Variants in ZFAND3 observed in about 807,000 individuals in gnomAD.
The protein encoded by ZFAND3 is AN1-type zinc finger protein 3.
In ZFAND3, 10 loss-of-function variants were observed where a neutral mutation model predicts 29.6. The observed-to-expected ratio is 0.34, with a 90% CI of 0.21 to 0.57. ZFAND3 has a LOEUF of 0.57. Among genes scored for constraint, ZFAND3 ranks in the 20% least tolerant of loss-of-function variants. ZFAND3 has a pLI of 0.86. For synonymous variants in ZFAND3, 128 were observed against 112.6 expected, an observed-to-expected ratio of 1.14 and a Z score of -0.87; for missense variants, 230 against 304.5, an observed-to-expected ratio of 0.76 and a Z score of 1.82.
At chr6:38,097,749 C>G (rs544680545) in intron 4 of ZFAND3, among the ~76,000 whole-genome samples, 1 of 152,216 alleles carries the variant, frequency 6.6e-6, no homozygotes, top group African/African-American at 2.4e-5. Flanking sequence ...TGGTACCTGA[C>G]AATCTTGAAT....
chr6:37,898,988 C>T (rs1410402578), intron 1 of ZFAND3, among the ~76,000 whole-genome samples: 7 of 152,134 alleles, frequency 4.6e-5, no homozygotes, highest in African/African-American at 1.2e-4. Flanking sequence ...CTCTGCCTCC[C>T]GGGTTCACGC....
At chr6:38,123,280 T>C (rs1765568807) in intron 5 of ZFAND3, among the ~76,000 whole-genome samples, 1 of 152,196 alleles carries the variant, frequency 6.6e-6, no homozygotes, top group Admixed American at 6.5e-5. Context: ...GGCAAGGAGC[T>C]GCAGTGATTA....
rs1241697444 is a variant in ZFAND3, at chr6:38,151,210, C to T, written c.530-1025C>T. Among the ~76,000 whole-genome samples the T allele has an allele frequency of 2.6e-5, 4 of 152,202 alleles. 1 individual carries two copies. The East Asian group carries it at 7.7e-4, about 29-fold the overall frequency. ...CCTGGCTCCCTGCAGCCCTCCCCTC[C>T]TTGTTCCTGACCCAGAGTGACTTTA... On this transcript the variant is annotated intron_variant, in intron 5 of 5. Transcript: ENST00000287218.
chr6:38,094,014 A>G lies in ZFAND3; in HGVS notation c.361+11557A>G, dbSNP rs369375069. 3.3e-5 allele frequency among the ~76,000 whole-genome samples: 5 copies of G among 152,308 alleles called. No individual in the cohort carries two copies. The East Asian group carries it at 7.7e-4, about 23-fold the overall frequency. ...GCAGAGGCAGAAACCCAGAAGGGTT[A>G]TTTCTATCTAAGAGTGTAAGGAAGG... On this transcript the variant is annotated intron_variant, in intron 4 of 5. Coordinates refer to ENST00000287218, the MANE Select transcript of ZFAND3 (RefSeq NM_021943.3).
At chr6:38,042,375 C>T (rs1348125938) in intron 2 of ZFAND3, among the ~76,000 whole-genome samples, 2 of 144,504 alleles carry the variant, frequency 1.4e-5, no homozygotes, top group African/African-American at 2.6e-5. Flanking sequence ...AGTGCAGTGG[C>T]GCCATCTCGG....
intron 2 of ZFAND3, among the ~76,000 whole-genome samples, chr6:37,997,216 G>A (rs983703013): frequency 2.6e-5 from 4 of 152,204 alleles, no homozygotes; most frequent in Admixed American, 1.3e-4. Flanking sequence ...ATTGGGGAAA[G>A]TAAGAATTGG....
At chr6:37,836,152 G>A (rs1366651111) in intron 1 of ZFAND3, among the ~76,000 whole-genome samples, 1 of 152,132 alleles carries the variant, frequency 6.6e-6, no homozygotes, top group African/African-American at 2.4e-5. Flanking sequence ...GATTCTCTGT[G>A]GGATAGAAAT....
At chr6:37,943,330 A>G (rs765037513) in intron 2 of ZFAND3, among the ~76,000 whole-genome samples, 2 of 152,136 alleles carry the variant, frequency 1.3e-5, no homozygotes, top group African/African-American at 2.4e-5. Context: ...TAAAGATATT[A>G]AAGTTTAAAT....
At chr6:37,887,313 A>ATAC (rs1765013014) in intron 1 of ZFAND3, among the ~76,000 whole-genome samples, 1 of 152,218 alleles carries the variant, frequency 6.6e-6, no homozygotes, top group Non-Finnish European at 1.5e-5. Context: ...GGCATATGTA[A>ATAC]GAATTTGTAT....
chr6:38,043,484 C>A (rs1763834384), intron 2 of ZFAND3, among the ~76,000 whole-genome samples: 1 of 147,324 alleles, frequency 6.8e-6, no homozygotes, highest in Non-Finnish European at 1.5e-5. Context: ...TTTCTTTTAG[C>A]TTTTCTCTTT....
At chr6:37,899,829 C>T (rs551107550) in intron 1 of ZFAND3, among the ~76,000 whole-genome samples, 4 of 152,174 alleles carry the variant, frequency 2.6e-5, no homozygotes, top group African/African-American at 7.2e-5. Context: ...TCCATTACCC[C>T]GAGGGCAACC....
chr6:37,837,225 T>C (rs1253367701), intron 1 of ZFAND3, among the ~76,000 whole-genome samples: 1 of 152,152 alleles, frequency 6.6e-6, no homozygotes, highest in Non-Finnish European at 1.5e-5. Context: ...CTGATACTGG[T>C]TTATGCTATT....
chr6:38,091,355 C>T (rs1764864067), intron 4 of ZFAND3, among the ~76,000 whole-genome samples: 2 of 151,754 alleles, frequency 1.3e-5, no homozygotes, highest in African/African-American at 2.4e-5. Context: ...GGAGAAAGAG[C>T]CCTGAACTTT....
intron 1 of ZFAND3, among the ~76,000 whole-genome samples, chr6:37,823,366 C>T (rs899790743): frequency 6.6e-6 from 1 of 152,168 alleles, no homozygotes; most frequent in Non-Finnish European, 1.5e-5. Context: ...AGCCAGGGCG[C>T]ACACCCAGCC....
intron 2 of ZFAND3, among the ~76,000 whole-genome samples, chr6:38,026,810 A>AGT (rs1209040071): frequency 3.9e-4 from 59 of 151,278 alleles, no homozygotes; most frequent in Middle Eastern, 3.4e-3. Context: ...AGAGAGAGAG[A>AGT]GTGTAATTTA....
chr6:37,836,776 GTTTTTAGGGTAAT>G (rs905493249), intron 1 of ZFAND3, among the ~76,000 whole-genome samples: 2 of 151,952 alleles, frequency 1.3e-5, no homozygotes, highest in African/African-American at 4.8e-5. Context: ...TAATATATAT[GTTTTTAGGGTAAT>G]TTTTTAAAAA....
At chr6:38,090,174 G>A (rs1764836425) in intron 4 of ZFAND3, among the ~76,000 whole-genome samples, 1 of 152,178 alleles carries the variant, frequency 6.6e-6, no homozygotes, top group Non-Finnish European at 1.5e-5. Flanking sequence ...TCGGGTGTGA[G>A]TTCAACTGTA....
intron 5 of ZFAND3, among the ~76,000 whole-genome samples, chr6:38,144,204 T>TATA (rs1766040015): frequency 2.1e-5 from 1 of 47,052 alleles, no homozygotes; most frequent in South Asian, 4.5e-4. Flanking sequence ...TATATATATA[T>TATA]ATATATAATA....
At chr6:38,066,746 C>T (rs1055885483) in intron 3 of ZFAND3, among the ~76,000 whole-genome samples, 6 of 152,148 alleles carry the variant, frequency 3.9e-5, no homozygotes, top group Admixed American at 3.3e-4. Flanking sequence ...GGTACATTTT[C>T]TTTTGAAAAG....
Sources: allele counts gnomAD v4.1 joint callset (sites outside exome capture counted in the v4.1 genomes callset), GRCh38; gene constraint gnomAD v4.1.1; transcripts MANE v1.5; gene names NCBI Gene and HGNC (gene_info 2026-07-23, HGNC 2026-07-21).